CLSTN2: variants seen among roughly 807,000 people sequenced by gnomAD.
CLSTN2 encodes the protein calsyntenin 2.
CLSTN2 carries 48 observed loss-of-function variants against 101.2 expected under a neutral mutation model. The observed-to-expected ratio is 0.47, with a 90% confidence interval of 0.38 to 0.60. CLSTN2 has a LOEUF of 0.60. CLSTN2 is among the 20% of genes least tolerant of loss of function. CLSTN2 has a pLI of 0.00. For missense variants in CLSTN2, 1,160 were observed against 1,238.2 expected (o/e 0.94, Z 0.95); for synonymous variants, 481 against 463.6 (o/e 1.04, Z -0.48).
At chr3:140,225,864 T>G (rs2086314735) in intron 2 of CLSTN2, among the ~76,000 whole-genome samples, 1 of 152,092 alleles carries the variant, frequency 6.6e-6, no homozygotes, top group Non-Finnish European at 1.5e-5. Flanking sequence ...CTTTTCAAAC[T>G]GTTTTTGGCC....
At chr3:140,356,974 A>G (rs1263267019) in intron 2 of CLSTN2, among the ~76,000 whole-genome samples, 1 of 152,126 alleles carries the variant, frequency 6.6e-6, no homozygotes, top group Non-Finnish European at 1.5e-5. Context: ...TTACAGGTGA[A>G]GAAACCGAGG....
chr3:140,162,083 T>G (rs752138862), intron 1 of CLSTN2, among the ~76,000 whole-genome samples: 55 of 152,204 alleles, frequency 3.6e-4, no homozygotes, highest in South Asian at 1.9e-3. Flanking sequence ...TCTGGCTTAA[T>G]AGAAGACAGC....
In CLSTN2 at chr3:140,500,424, G is replaced by A. The variant is rs560255263; in HGVS notation, c.1345-31900G>A. Among the ~76,000 whole-genome samples, 31 of 152,308 alleles carry A rather than the reference G, an allele frequency of 2.0e-4. 1 individual carries two copies. Among genetic ancestry groups the A allele is most frequent in the African/African-American group, 7.5e-4 (31 of 41,566 alleles). On this transcript the variant is annotated intron_variant, in intron 8 of 16. Transcript: ENST00000458420. ...TTCTGATATGAGCAATCCCATCATG[G>A]AACCAAAGTAAACCATTCAAGCAGG...
intron 7 of CLSTN2, 78 bp from the exon 8 acceptor site, chr3:140,466,532 G>C: frequency 6.3e-7 from 1 of 1,576,912 alleles, no homozygotes; most frequent in Non-Finnish European, 8.7e-7. Context: ...TGTGCTAAGT[G>C]AGTGAGCAGG....
intron 1 of CLSTN2, among the ~76,000 whole-genome samples, chr3:140,141,460 G>A (rs2009696234): frequency 1.3e-5 from 2 of 152,196 alleles, no homozygotes; most frequent in African/African-American, 2.4e-5. Context: ...GAGGAAGGAT[G>A]GCAATGGCTG....
chr3:140,241,122 A>C (rs2086463128), intron 2 of CLSTN2, among the ~76,000 whole-genome samples: 1 of 152,170 alleles, frequency 6.6e-6, no homozygotes, highest in Non-Finnish European at 1.5e-5. Flanking sequence ...AAAATAGTAA[A>C]ATTTCAAAGA....
At chr3:140,292,685 G>C (rs1389918639) in intron 2 of CLSTN2, among the ~76,000 whole-genome samples, 1 of 152,204 alleles carries the variant, frequency 6.6e-6, no homozygotes, top group Non-Finnish European at 1.5e-5. Flanking sequence ...ATGACATTAA[G>C]TAAGTTACTT....
chr3:140,445,383 A>G (rs1393693589), intron 5 of CLSTN2, among the ~76,000 whole-genome samples: 1 of 152,146 alleles, frequency 6.6e-6, no homozygotes, highest in Non-Finnish European at 1.5e-5. Flanking sequence ...AAAGGGAATC[A>G]ATGAGGAGGG....
intron 2 of CLSTN2, among the ~76,000 whole-genome samples, chr3:140,177,975 C>G (rs2010350351): frequency 6.6e-6 from 1 of 152,082 alleles, no homozygotes; most frequent in African/African-American, 2.4e-5. Flanking sequence ...CCAAGAAGAT[C>G]CTCTCATTCA....
At chr3:140,151,861 T>C (rs936350611) in intron 1 of CLSTN2, among the ~76,000 whole-genome samples, 6 of 152,158 alleles carry the variant, frequency 3.9e-5, no homozygotes, top group Admixed American at 2.6e-4. Flanking sequence ...AGAAAGCTGA[T>C]TCAGAGAAGA....
At chr3:139,954,545 C>G (rs145962651) in intron 1 of CLSTN2, among the ~76,000 whole-genome samples, 1 of 152,152 alleles carries the variant, frequency 6.6e-6, no homozygotes, top group African/African-American at 2.4e-5. Context: ...AGTCACCTAC[C>G]CTTTGGAGGT....
chr3:140,029,791 C>T (rs114322166), intron 1 of CLSTN2, among the ~76,000 whole-genome samples: 479 of 152,202 alleles, frequency 3.1e-3, no homozygotes, highest in Non-Finnish European at 5.3e-3. Flanking sequence ...TCTTCCCCTG[C>T]GATTCCTCTA....
chr3:140,127,016 A>G (rs897439653), intron 1 of CLSTN2, among the ~76,000 whole-genome samples: 5 of 151,596 alleles, frequency 3.3e-5, no homozygotes, highest in South Asian at 2.1e-4. Context: ...GTGTCATTAT[A>G]TGTGTCATAT....
intron 2 of CLSTN2, among the ~76,000 whole-genome samples, chr3:140,206,304 G>T (rs973021523): frequency 1.3e-5 from 2 of 152,196 alleles, no homozygotes; most frequent in African/African-American, 2.4e-5. Flanking sequence ...GGCATGGAGA[G>T]ACACATCTCC....
intron 10 of CLSTN2, among the ~76,000 whole-genome samples, chr3:140,552,462 G>A (rs1351462006): frequency 1.3e-5 from 2 of 150,482 alleles, no homozygotes; most frequent in African/African-American, 4.9e-5. Context: ...GACCCTGCAA[G>A]AACTATGCTG....
intron 2 of CLSTN2, among the ~76,000 whole-genome samples, chr3:140,327,430 G>A (rs748445633): frequency 1.3e-5 from 2 of 152,168 alleles, no homozygotes; most frequent in African/African-American, 2.4e-5. Context: ...CCCCAAAGGT[G>A]GCTTGTACCT....
Position 139,935,678 on chromosome 3 carries a change from A to G in CLSTN2, c.109+195A>G, listed in dbSNP as rs1935007912. Among the ~76,000 whole-genome samples the G allele has an allele frequency of 6.6e-6, 1 of 152,070 alleles. No homozygotes were observed. Among genetic ancestry groups the G allele is most frequent in the Non-Finnish European group, 1.5e-5 (1 of 68,002 alleles). On this transcript the variant is annotated intron_variant, in intron 1 of 16. Coordinates refer to ENST00000458420, the MANE Select transcript of CLSTN2 (RefSeq NM_022131.3). The surrounding 1 kb of genome is among the most constrained non-coding windows in gnomAD (Gnocchi z 5.5). ...CAGAGAGGTCCACCCGCGGACGTCA[A>G]CTCAACCCCTGGGCGGGGTCCGGGG...
chr3:140,357,202 A>G (rs1263599478), intron 2 of CLSTN2, among the ~76,000 whole-genome samples: 2 of 152,202 alleles, frequency 1.3e-5, no homozygotes, highest in African/African-American at 2.4e-5. Context: ...AGTGACTAAC[A>G]GATTTTCATT....
chr3:140,249,821 A>G (rs2086546765), intron 2 of CLSTN2, among the ~76,000 whole-genome samples: 1 of 152,176 alleles, frequency 6.6e-6, no homozygotes, highest in African/African-American at 2.4e-5. Flanking sequence ...ACAGTGCAGG[A>G]GGTTAGAGAT....
Sources: allele counts gnomAD v4.1 joint callset (sites outside exome capture counted in the v4.1 genomes callset), GRCh38; gene constraint gnomAD v4.1.1; non-coding constraint Gnocchi (gnomAD v3.1); transcripts MANE v1.5; gene names NCBI Gene and HGNC (gene_info 2026-07-23, HGNC 2026-07-21).